SYNE1: variants seen among roughly 807,000 people sequenced by gnomAD.
SYNE1 encodes the protein spectrin repeat containing nuclear envelope protein 1.
A neutral mutation model predicts 1,111.0 loss-of-function variants in SYNE1; 616 were observed. That is an observed-to-expected ratio of 0.55 (90% CI 0.52 to 0.59). The LOEUF is 0.59. Ranked by LOEUF, SYNE1 falls within the 20% of genes least tolerant of loss-of-function variation. The probability of loss-of-function intolerance (pLI) is 0.00; values close to 1 mark genes in which losing one functional copy is unlikely to be tolerated. For missense variants in SYNE1, 10,006 were observed against 10,417.0 expected, an observed-to-expected ratio of 0.96 and a Z score of 1.72; for synonymous variants, 3,855 against 3,825.8, an observed-to-expected ratio of 1.01 and a Z score of -0.28.
At chr6:152,292,262 C>T (rs1443187528) in intron 95 of SYNE1, among the ~76,000 whole-genome samples, 1 of 152,182 alleles carries the variant, frequency 6.6e-6, no homozygotes, top group Non-Finnish European at 1.5e-5. Flanking sequence ...AATAGTCCCC[C>T]AAGCCCCTGA....
chr6:152,455,806 C>T (rs576256814), intron 23 of SYNE1, 80 bp downstream of exon 23: 3 of 1,601,472 alleles, frequency 1.9e-6, no homozygotes, highest in Non-Finnish European at 2.6e-6. Context: ...TTAGCAAGAC[C>T]AAAAGCACGA....
At chr6:152,305,554 A>G (rs9383984) in intron 91 of SYNE1, among the ~76,000 whole-genome samples, 74,834 of 151,970 alleles carry the variant, frequency 0.49, 18,672 homozygotes, top group East Asian at 0.73. Context: ...GTGAGCCACC[A>G]CACCTGGCCG....
At chr6:152,594,853 T>C (rs2128559102) in intron 3 of SYNE1, among the ~76,000 whole-genome samples, 1 of 152,286 alleles carries the variant, frequency 6.6e-6, no homozygotes, top group Middle Eastern at 3.4e-3. Context: ...CAGTCTCTCC[T>C]GAGCCTAGGC....
At position 152,145,282 on chromosome 6, in the gene SYNE1, A is replaced by C. The variant is rs150771109; in HGVS notation, c.24977-1517T>G. On this transcript the variant is annotated intron_variant, in intron 137 of 145. Transcript: ENST00000367255. ...CCAATCACCATTTAACAAGTTGAGA[A>C]GTTACTTTATTTCGCTCAATTAGTG... is the stretch of plus-strand genomic sequence containing the variant. The C allele has an allele frequency of 1.8e-4, 112 of 622,950 alleles. 1 individual carries two copies. Among genetic ancestry groups the C allele is most frequent in the African/African-American group, 1.5e-3 (82 of 54,586 alleles). 38.6% of individuals were successfully genotyped at this position (622,950 alleles called of 1,614,324 possible). A position where few individuals can be genotyped will look rare whatever the true frequency, so the allele number is the denominator to read the frequency against.
At chr6:152,434,726 C>CT (rs2098457914) in intron 33 of SYNE1, 1 of 150,096 alleles carries the variant, frequency 6.7e-6, no homozygotes, top group Non-Finnish European at 1.5e-5. Context: ...GACTAAGAAA[C>CT]TAACAGTATA....
At chr6:152,475,555 A>G (rs146418102) in intron 14 of SYNE1, among the ~76,000 whole-genome samples, 107 of 152,354 alleles carry the variant, frequency 7.0e-4, no homozygotes, top group African/African-American at 2.3e-3. Context: ...GTTGGAAACC[A>G]TCTATAATTA....
At chr6:152,380,917 A>G in intron 56 of SYNE1, 89 bp downstream of exon 56, 2 of 1,303,334 alleles carry the variant, frequency 1.5e-6, no homozygotes, top group Non-Finnish European at 2.2e-6. Flanking sequence ...GCGTGTTTTT[A>G]GTTAGCAAGA....
At position 152,140,146 on chromosome 6, in the gene SYNE1, C is replaced by G. The variant is rs539925103; in HGVS notation, c.25262G>C (p.Trp8421Ser). Residue 8421 changes from tryptophan to serine, a missense_variant, in exon 140 of 146, where the codon TGG (tryptophan) becomes TCG (serine). Trp to Ser is a radical substitution (Grantham distance 177). Around this residue, in one of 7 missense-constraint regions of SYNE1, gnomAD observed 761 missense variants for 795.5 expected, o/e 0.96. Transcript: ENST00000367255. ...ETQTAGVIDR[W>S]ELLQAQALSK... ...CAATGCCTGGGCCTGGAGAAGCTCC[C>G]ATCGGTCAATCACACCTGGCAAGAC... The G allele has an allele frequency of 6.2e-7, 1 of 1,614,188 alleles. No individual in the cohort carries two copies. Among genetic ancestry groups the G allele is most frequent in the South Asian group, 1.1e-5 (1 of 91,080 alleles).
In SYNE1 at chr6:152,236,880, G is replaced by A. The variant is rs761906590; in HGVS notation, c.20136C>T (p.Ile6712=). The change falls in exon 109 of 146, where the codon ATC becomes ATT. Residue 6712 remains isoleucine (I), a synonymous_variant. Transcript: ENST00000367255. ...TCTCCTCCACCAGACCCACGCTTGG[G>A]ATGCTGCTTTCCACCACCTCCAGCT... The part of the protein sequence containing the change: ...SRQLEVVESS[I]PSVGLVEENE... 1.2e-6 allele frequency: 2 copies of A among 1,614,038 alleles called. No individual in the cohort carries two copies. The highest frequency in any genetic ancestry group is 2.7e-5 in the African/African-American group (2 of 74,930).
chr6:152,406,930 A>C (rs988146673), intron 45 of SYNE1, 84 bp downstream of exon 45: 1 of 1,065,908 alleles, frequency 9.4e-7, no homozygotes, highest in African/African-American at 1.7e-5. Flanking sequence ...AGAAGAATAA[A>C]CTTTTAAGAA....
In SYNE1 at chr6:152,354,793, T is replaced by C; in HGVS notation, c.10792A>G (p.Asn3598Asp). The C allele has an allele frequency of 6.2e-7, 1 of 1,614,228 alleles. No homozygotes were observed. Among genetic ancestry groups the C allele is most frequent in the Non-Finnish European group, 8.5e-7 (1 of 1,180,044 alleles). The change falls in exon 67 of 146, where the codon AAC becomes GAC. Residue 3598 changes from asparagine to aspartate, a missense_variant. By Grantham distance (23) the Asn-to-Asp change is conservative. Coordinates refer to ENST00000367255, the MANE Select transcript of SYNE1 (RefSeq NM_182961.4). The stretch of plus-strand genomic sequence containing the variant: ...TTTTGCTCCATTAGCCTCAATTTGT[T>C]CACCACGTTATTGAACTGAGTTCGA... ...ETRTQFNNVV[N>D]KLRLMEQKFQ...
chr6:152,166,026 A>G (rs2063583430), intron 130 of SYNE1, among the ~76,000 whole-genome samples: 1 of 152,214 alleles, frequency 6.6e-6, no homozygotes, highest in Non-Finnish European at 1.5e-5. Context: ...ATCTGTAGGA[A>G]TGTCTTCTCA....
chr6:152,343,185 C>T lies in SYNE1; in HGVS notation c.12225+896G>A, dbSNP rs1259928081. 2.0e-5 allele frequency among the ~76,000 whole-genome samples: 3 copies of T among 146,984 alleles called. No homozygotes were observed. In the East Asian group the frequency reaches 6.0e-4, roughly 29 times the overall value. On this transcript the variant is annotated intron_variant, in intron 74 of 145. Transcript: ENST00000367255. ...TTTTTTTTTTTGAGACAGAGTCTCA[C>T]TCTGGTGCCCAGGCTGGAGTGCAGT...
intron 11 of SYNE1, among the ~76,000 whole-genome samples, chr6:152,493,188 C>A (rs1258298341): frequency 6.6e-6 from 1 of 152,066 alleles, no homozygotes; most frequent in Non-Finnish European, 1.5e-5. Flanking sequence ...TTACCCTGCT[C>A]AACACCAGTA....
At chr6:152,443,500 G>A (rs2098551375) in intron 30 of SYNE1, among the ~76,000 whole-genome samples, 1 of 152,168 alleles carries the variant, frequency 6.6e-6, no homozygotes, top group Non-Finnish European at 1.5e-5. Flanking sequence ...TGCTGACCTC[G>A]TGATGCGCCC....
Position 152,409,123 on chromosome 6 carries a change from C to T in SYNE1, c.6485G>A (p.Ser2162Asn). Residue 2162 changes from serine (S) to asparagine (N), a missense_variant, in exon 44 of 146, where the codon AGT (serine) becomes AAT (asparagine). Physicochemically the swap from Ser to Asn is conservative, Grantham distance 46. Around this residue, in one of 7 missense-constraint regions of SYNE1, gnomAD observed 4,955 missense variants for 5,017.2 expected, o/e 0.99. Transcript: ENST00000367255. The part of the protein sequence containing the change: ...LLSELKKIHS[S>N]DFSLVKTDME... ...GTCTGTTTTCACCAAGCTGAAATCA[C>T]TACTGTGAATTTTCTTCAGCTCAGA... 8.1e-6 allele frequency: 13 copies of T among 1,614,154 alleles called. No homozygotes were observed. The highest frequency in any genetic ancestry group is 1.1e-5 in the Non-Finnish European group (13 of 1,180,004).
chr6:152,300,519 T>C (rs1461620376), intron 93 of SYNE1, 122 bp downstream of exon 93: 4 of 1,353,608 alleles, frequency 3.0e-6, no homozygotes, highest in Non-Finnish European at 4.2e-6. Flanking sequence ...CACCTAATAG[T>C]GTGTCCCTGG....
At chr6:152,141,111 A>G (rs953436535) in intron 139 of SYNE1, 92 bp downstream of exon 139, 23 of 1,562,134 alleles carry the variant, frequency 1.5e-5, no homozygotes, top group East Asian at 1.3e-4. Flanking sequence ...GTGTAGAAGA[A>G]GGCCAAGCCC....
chr6:152,367,137 C>T, intron 62 of SYNE1, 81 bp downstream of exon 62: 2 of 1,534,450 alleles, frequency 1.3e-6, no homozygotes, highest in South Asian at 1.1e-5. Context: ...GTGACATCAT[C>T]ACCCCAGGTG....
Sources: allele counts gnomAD v4.1 joint callset (sites outside exome capture counted in the v4.1 genomes callset), GRCh38; gene constraint gnomAD v4.1.1; regional missense constraint gnomAD v4.1.1; transcripts MANE v1.5; gene names NCBI Gene and HGNC (gene_info 2026-07-23, HGNC 2026-07-21).